The following SCFD2 variants were observed in gnomAD, a reference collection of about 807,000 sequenced individuals.
SCFD2 encodes sec1 family domain-containing protein 2.
A neutral mutation model predicts 58.9 loss-of-function variants in SCFD2; 54 were observed. The ratio of observed to expected loss-of-function variants is 0.92; its 90% CI spans 0.74 to 1.15. The LOEUF (loss-of-function observed/expected upper bound fraction) is 1.15. Ranked by LOEUF, SCFD2 falls within the 50% of genes most tolerant of loss-of-function variation. SCFD2 has a pLI of 0.00. For synonymous variants in SCFD2, 321 were observed against 335.9 expected (o/e 0.96, Z 0.49); for missense variants, 805 against 836.6 (o/e 0.96, Z 0.47).
intron 5 of SCFD2, among the ~76,000 whole-genome samples, chr4:53,067,658 A>C (rs1723701161): frequency 6.6e-6 from 1 of 152,030 alleles, no homozygotes; most frequent in African/African-American, 2.4e-5. Context: ...TGTCATGTGA[A>C]GAAGGACATG....
intron 5 of SCFD2, among the ~76,000 whole-genome samples, chr4:53,058,305 G>T (rs1723405596): frequency 6.6e-6 from 1 of 151,300 alleles, no homozygotes; most frequent in Non-Finnish European, 1.5e-5. Flanking sequence ...AACTCATATA[G>T]GCATAAAAAA....
At chr4:53,028,239 C>T (rs551934427) in intron 5 of SCFD2, among the ~76,000 whole-genome samples, 5 of 151,318 alleles carry the variant, frequency 3.3e-5, no homozygotes, top group Non-Finnish European at 5.9e-5. Flanking sequence ...AGAGCAAGAC[C>T]CTGTCTCAAA....
At chr4:53,159,213 T>C (rs1158768183) in intron 4 of SCFD2, among the ~76,000 whole-genome samples, 1 of 152,194 alleles carries the variant, frequency 6.6e-6, no homozygotes, top group African/African-American at 2.4e-5. Flanking sequence ...TATAAAGATA[T>C]AATTGTAGAT....
intron 4 of SCFD2, among the ~76,000 whole-genome samples, chr4:53,217,306 C>G (rs1300228986): frequency 6.6e-6 from 1 of 152,166 alleles, no homozygotes; most frequent in African/African-American, 2.4e-5. Context: ...TCTCTAAGGA[C>G]TTGCTTTATG....
intron 5 of SCFD2, among the ~76,000 whole-genome samples, chr4:53,135,811 T>A (rs559231152): frequency 3.3e-5 from 5 of 152,262 alleles, no homozygotes; most frequent in African/African-American, 1.2e-4. Context: ...AGTAAGACTA[T>A]ACATCCCTGC....
chr4:52,937,049 G>A (rs1392047202), intron 5 of SCFD2, among the ~76,000 whole-genome samples: 2 of 152,228 alleles, frequency 1.3e-5, no homozygotes, highest in African/African-American at 4.8e-5. Context: ...TGATATTAGA[G>A]GTAAGTGCTT....
intron 5 of SCFD2, among the ~76,000 whole-genome samples, chr4:52,995,677 G>C (rs1303527821): frequency 6.6e-6 from 1 of 152,294 alleles, no homozygotes; most frequent in South Asian, 2.1e-4. Flanking sequence ...CTACTTTGAG[G>C]AACTAAAACC....
chr4:52,994,871 C>G (rs1721707162), intron 5 of SCFD2, among the ~76,000 whole-genome samples: 3 of 151,994 alleles, frequency 2.0e-5, no homozygotes, highest in Admixed American at 6.5e-5. Flanking sequence ...AAAAAAAAAG[C>G]CTTGCAAACA....
At chr4:53,309,478 G>C (rs1453622721) in intron 3 of SCFD2, among the ~76,000 whole-genome samples, 1 of 152,156 alleles carries the variant, frequency 6.6e-6, no homozygotes, top group East Asian at 1.9e-4. Flanking sequence ...CCATAAAAGT[G>C]TGACCACAGA....
At chr4:52,896,537 A>G (rs1262914867) in intron 7 of SCFD2, among the ~76,000 whole-genome samples, 1 of 152,186 alleles carries the variant, frequency 6.6e-6, no homozygotes, top group Admixed American at 6.5e-5. Flanking sequence ...TTTTGGTACC[A>G]GTACCACGCT....
At chr4:53,054,694 C>A (rs1321905148) in intron 5 of SCFD2, among the ~76,000 whole-genome samples, 3 of 151,728 alleles carry the variant, frequency 2.0e-5, no homozygotes. Flanking sequence ...ACTCTATCAC[C>A]CAGGCTGGAG....
intron 2 of SCFD2, among the ~76,000 whole-genome samples, chr4:53,348,583 T>C (rs1488277958): frequency 6.6e-6 from 1 of 152,250 alleles, no homozygotes; most frequent in Admixed American, 6.5e-5. Flanking sequence ...TATTTGTTTA[T>C]AATTTTCTCA....
intron 5 of SCFD2, among the ~76,000 whole-genome samples, chr4:53,105,870 TG>T (rs1686156746): frequency 6.6e-6 from 1 of 151,660 alleles, no homozygotes; most frequent in African/African-American, 2.4e-5. Flanking sequence ...ATTGGGTCCC[TG>T]ACCCCCCCAC....
At chr4:53,169,348 C>T (rs1344630233) in intron 4 of SCFD2, among the ~76,000 whole-genome samples, 2 of 151,568 alleles carry the variant, frequency 1.3e-5, no homozygotes, top group East Asian at 1.9e-4. Flanking sequence ...GGTGACAGAG[C>T]GAGACTCTGA....
chr4:53,022,154 G>A (rs1399242872), intron 5 of SCFD2, among the ~76,000 whole-genome samples: 1 of 152,204 alleles, frequency 6.6e-6, no homozygotes, highest in Non-Finnish European at 1.5e-5. Context: ...GTTGGGAAAG[G>A]AGGCTGGACT....
intron 2 of SCFD2, among the ~76,000 whole-genome samples, chr4:53,351,260 G>A (rs1019468584): frequency 9.9e-5 from 15 of 152,170 alleles, no homozygotes; most frequent in African/African-American, 2.7e-4. Flanking sequence ...ACTGACGTCA[G>A]GCCCTGACCA....
chr4:53,150,389 C>T (rs1726469486), intron 4 of SCFD2, among the ~76,000 whole-genome samples: 1 of 152,148 alleles, frequency 6.6e-6, no homozygotes, highest in Non-Finnish European at 1.5e-5. Flanking sequence ...GCAAGGAGAA[C>T]CCTGTGCCAC....
At chr4:53,290,314 G>C (rs536333904) in intron 3 of SCFD2, among the ~76,000 whole-genome samples, 1 of 151,970 alleles carries the variant, frequency 6.6e-6, no homozygotes, top group African/African-American at 2.4e-5. Context: ...TCAGTAATAG[G>C]AGAAATATTG....
At chr4:53,310,547 C>T (rs964866236) in intron 3 of SCFD2, among the ~76,000 whole-genome samples, 2 of 152,188 alleles carry the variant, frequency 1.3e-5, no homozygotes, top group Admixed American at 6.5e-5. Flanking sequence ...TTTCAGAATA[C>T]ATTTTTCATT....
Sources: gnomAD v4.1 joint callset for allele counts (sites outside exome capture counted in the v4.1 genomes callset) on GRCh38, gnomAD v4.1.1 for gene constraint, MANE v1.5 for transcripts, NCBI Gene and HGNC (gene_info 2026-07-23, HGNC 2026-07-21) for gene names.